The following IGF2R variants were observed in gnomAD, a reference collection of about 807,000 sequenced individuals.
IGF2R encodes cation-independent mannose-6-phosphate receptor.
IGF2R carries 91 observed loss-of-function variants against 270.6 expected under a neutral mutation model. The observed-to-expected ratio is 0.34, with a 90% confidence interval of 0.28 to 0.40. The LOEUF (loss-of-function observed/expected upper bound fraction) is 0.40, where lower values mean the gene tolerates loss of function less well. IGF2R is among the 10% of genes least tolerant of loss of function. IGF2R has a pLI of 1.00. For synonymous variants in IGF2R, 1,316 were observed against 1,258.9 expected, an observed-to-expected ratio of 1.05 and a Z score of -0.96; for missense variants, 2,805 against 3,188.3, an observed-to-expected ratio of 0.88 and a Z score of 2.90.
chr6:160,096,346 T>A, intron 44 of IGF2R, 93 bp from the exon 45 acceptor site: 1 of 1,176,340 alleles, frequency 8.5e-7, no homozygotes, highest in Admixed American at 2.1e-5. Flanking sequence ...TGATTTTAAG[T>A]CTTTGCAAAC....
In IGF2R at chr6:160,009,010, G is replaced by T; in HGVS notation, c.290G>T (p.Gly97Val). Residue 97 changes from glycine (G) to valine (V), a missense_variant and splice_region_variant, in exon 3 of 48, where the codon GGT becomes GTT. Physicochemically the swap from Gly to Val is moderately radical, Grantham distance 109 (BLOSUM62 -3). Coordinates refer to ENST00000356956, the MANE Select transcript of IGF2R (RefSeq NM_000876.4). ...TTCACTCTCTTTTCTCTCCAAATAG[G>T]TGACTCTGTTTTGAGAAGTGCAACC... ...DLKTRTYHSV[G>V]DSVLRSATRS... is the part of the protein sequence containing the mutation. The T allele has an allele frequency of 6.2e-7, 1 of 1,613,754 alleles. No individual in the cohort carries two copies. Among genetic ancestry groups the T allele is most frequent in the Non-Finnish European group, 8.5e-7 (1 of 1,179,810 alleles).
At chr6:159,986,645 C>A (rs1305346240) in intron 1 of IGF2R, among the ~76,000 whole-genome samples, 1 of 152,016 alleles carries the variant, frequency 6.6e-6, no homozygotes, top group African/African-American at 2.4e-5. Flanking sequence ...TTCCACACAG[C>A]TTGCAGATAC....
At chr6:160,096,381 T>G (rs1779358383) in intron 44 of IGF2R, 58 bp from the exon 45 acceptor site, 8 of 1,503,680 alleles carry the variant, frequency 5.3e-6, no homozygotes, top group South Asian at 4.9e-5. Flanking sequence ...GGAGCTAAGC[T>G]CAGTCTGCTC....
At chr6:159,988,801 T>C (rs947222276) in intron 1 of IGF2R, among the ~76,000 whole-genome samples, 1 of 152,146 alleles carries the variant, frequency 6.6e-6, no homozygotes, top group Non-Finnish European at 1.5e-5. Flanking sequence ...ACCTGGAATA[T>C]ACACTCCGAG....
In IGF2R at chr6:160,079,746, C is replaced by T. The variant is rs780010061; in HGVS notation, c.5645C>T (p.Ala1882Val). The part of the protein sequence containing the change: ...MKLDYRHQDE[A>V]VVLSYVNGDR... The stretch of plus-strand genomic sequence containing the variant: ...CTGGATTACAGGCACCAGGATGAAG[C>T]GGTCGTTTTAAGTTACGTGAATGGT... The change falls in exon 38 of 48, where the codon GCG becomes GTG. Residue 1882 changes from alanine (A) to valine (V), a missense_variant. Physicochemically the swap from Ala to Val is moderately conservative, Grantham distance 64 (BLOSUM62 0). This residue lies in a region of IGF2R where 1,851 missense variants were observed against 2,207.2 expected (regional missense o/e 0.84). Coordinates refer to ENST00000356956, the MANE Select transcript of IGF2R (RefSeq NM_000876.4). 1.4e-5 allele frequency: 20 copies of T among 1,478,994 alleles called. No individual in the cohort carries two copies. The highest frequency in any genetic ancestry group is 1.2e-4 in the East Asian group (5 of 41,350). The allele number at this position is 1,478,994 out of a possible 1,614,324, so 91.6% of individuals were successfully genotyped here.
Position 160,102,519 on chromosome 6 carries a change from G to C in IGF2R, c.6843G>C (p.Gly2281=). The change falls in exon 46 of 48, where the codon GGG becomes GGC. Residue 2281 remains glycine (G), a splice_region_variant and synonymous_variant. Transcript: ENST00000356956. The surrounding 1 kb of genome is among the most constrained non-coding windows in gnomAD (Gnocchi z 4.5). ...CTCCTTTTCTGTGACGTCCTTGCAG[G>C]GTGGGCTTTGACAGCGAGAATCCCG... ...SWYTSAVCPL[G]VGFDSENPGD... 1 of 1,611,622 alleles carries C rather than the reference G, an allele frequency of 6.2e-7. No homozygotes were observed. The highest frequency in any genetic ancestry group is 8.5e-7 in the Non-Finnish European group (1 of 1,179,394).
At chr6:160,080,350 T>A in intron 39 of IGF2R, 75 bp downstream of exon 39, 1 of 1,398,078 alleles carries the variant, frequency 7.2e-7, no homozygotes, top group East Asian at 2.3e-5. Context: ...CACTGAGACC[T>A]TTGTGGATGC....
Position 160,032,474 on chromosome 6 carries a change from T to C in IGF2R, c.883-77T>C, listed in dbSNP as rs530057564. ...AAACCTAACAACCTGTCTTTGAGCT[T>C]TTCATAAGTGTGGAAAATCTGCATT... On this transcript the variant is annotated intron_variant, in intron 7 of 47. Transcript: ENST00000356956. 12 of 1,385,124 alleles carry C rather than the reference T, an allele frequency of 8.7e-6. No individual in the cohort carries two copies. In the East Asian group the frequency reaches 9.2e-5, roughly 11 times the overall value. 85.8% of individuals were successfully genotyped at this position (1,385,124 alleles called of 1,614,324 possible). A position where few individuals can be genotyped will look rare whatever the true frequency, so the allele number is the denominator to read the frequency against.
intron 14 of IGF2R, 141 bp from the exon 15 acceptor site, chr6:160,046,357 C>CGTCTCT (rs1244938490): frequency 1.4e-6 from 1 of 723,510 alleles, no homozygotes; most frequent in East Asian, 2.8e-5. Flanking sequence ...CAAGGGGCAG[C>CGTCTCT]GTCTCTTCTG....
chr6:159,983,722 C>G (rs1004268514), intron 1 of IGF2R, among the ~76,000 whole-genome samples: 1 of 152,148 alleles, frequency 6.6e-6, no homozygotes, highest in African/African-American at 2.4e-5. Context: ...CTGTTGGACT[C>G]TGCTGAGCTG....
At chr6:160,009,511 T>G (rs1282367807) in intron 3 of IGF2R, among the ~76,000 whole-genome samples, 3 of 152,234 alleles carry the variant, frequency 2.0e-5, no homozygotes, top group Non-Finnish European at 4.4e-5. Context: ...AATATTTTTC[T>G]TTCCTCATTT....
intron 35 of IGF2R, 26 bp downstream of exon 35, chr6:160,074,001 A>G (rs140770043): frequency 7.7e-6 from 12 of 1,557,792 alleles, no homozygotes; most frequent in Non-Finnish European, 1.1e-5. Flanking sequence ...CCAAGGGTGG[A>G]GATAATTTTT....
At chr6:160,073,703 T>C in intron 34 of IGF2R, 54 bp from the exon 35 acceptor site, 3 of 1,442,882 alleles carry the variant, frequency 2.1e-6, no homozygotes, top group Non-Finnish European at 2.9e-6. Context: ...GATGACCTAG[T>C]GGTGATTAGG....
At chr6:160,092,603 G>T (rs1339621516) in intron 44 of IGF2R, among the ~76,000 whole-genome samples, 1 of 152,208 alleles carries the variant, frequency 6.6e-6, no homozygotes, top group Admixed American at 6.5e-5. Flanking sequence ...TCTTCCTGAG[G>T]CTTGCCATTC....
chr6:160,049,025 G>T (rs1778135387), intron 18 of IGF2R, among the ~76,000 whole-genome samples: 1 of 152,190 alleles, frequency 6.6e-6, no homozygotes, highest in South Asian at 2.1e-4. Flanking sequence ...CCCGTCTCCT[G>T]TGGTCGTTGT....
At chr6:159,995,527 A>G (rs1328672519) in intron 2 of IGF2R, among the ~76,000 whole-genome samples, 4 of 152,132 alleles carry the variant, frequency 2.6e-5, no homozygotes, top group Non-Finnish European at 5.9e-5. Context: ...ATTTTATAAG[A>G]TGTGAGTTTT....
At chr6:159,977,674 C>T (rs879862) in intron 1 of IGF2R, among the ~76,000 whole-genome samples, 35,493 of 152,116 alleles carry the variant, frequency 0.23, 4,578 homozygotes, top group East Asian at 0.49. Context: ...TTGAAAACCT[C>T]TCATTAGGGA....
chr6:159,983,863 C>G (rs1361058022), intron 1 of IGF2R, among the ~76,000 whole-genome samples: 1 of 152,164 alleles, frequency 6.6e-6, no homozygotes, highest in Non-Finnish European at 1.5e-5. Context: ...AAGGAGCCGG[C>G]TGAGGGACTT....
intron 46 of IGF2R, among the ~76,000 whole-genome samples, chr6:160,103,178 C>T (rs764043539): frequency 5.3e-5 from 8 of 152,066 alleles, no homozygotes; most frequent in Non-Finnish European, 1.0e-4. Context: ...CCAGCTCAGG[C>T]GTTCCCTGCT....
Sources: gnomAD v4.1 joint callset for allele counts (sites outside exome capture counted in the v4.1 genomes callset) on GRCh38, gnomAD v4.1.1 for gene constraint, gnomAD v4.1.1 regional missense constraint, Gnocchi (gnomAD v3.1) non-coding constraint, MANE v1.5 for transcripts, NCBI Gene and HGNC (gene_info 2026-07-23, HGNC 2026-07-21) for gene names.